The following NGEF variants were observed in gnomAD, a reference collection of about 807,000 sequenced individuals.
The protein encoded by NGEF is ephexin-1.
In NGEF, 31 loss-of-function variants were observed where a neutral mutation model predicts 80.9. The ratio of observed to expected loss-of-function variants is 0.38; its 90% confidence interval spans 0.29 to 0.52. NGEF has a LOEUF of 0.52. NGEF is among the 20% of genes least tolerant of loss of function. NGEF has a pLI of 0.84. For missense variants in NGEF, 709 were observed against 926.2 expected (o/e 0.77, Z 3.04); for synonymous variants, 371 against 370.2 (o/e 1.00, Z -0.03).
At chr2:232,937,596 T>G (rs1305349246) in intron 3 of NGEF, among the ~76,000 whole-genome samples, 2 of 152,174 alleles carry the variant, frequency 1.3e-5, no homozygotes, top group East Asian at 3.9e-4. Context: ...TGGGGGCAAC[T>G]ATGAAGAGGC....
At chr2:233,004,533 C>G (rs1695048349) in intron 1 of NGEF, among the ~76,000 whole-genome samples, 1 of 152,224 alleles carries the variant, frequency 6.6e-6, no homozygotes, top group Admixed American at 6.5e-5. Context: ...GTGTGGAGTG[C>G]TTGTCAAGGC....
chr2:232,897,444 G>C (rs1026915283), intron 5 of NGEF, among the ~76,000 whole-genome samples: 12 of 152,114 alleles, frequency 7.9e-5, no homozygotes, highest in Non-Finnish European at 1.6e-4. Context: ...CACATGGCTG[G>C]ATGCTGGAGG....
At chr2:232,953,624 A>C (rs1327501489) in intron 3 of NGEF, among the ~76,000 whole-genome samples, 2 of 152,010 alleles carry the variant, frequency 1.3e-5, no homozygotes, top group East Asian at 3.9e-4. Flanking sequence ...GCCTAGGGGG[A>C]GATCTGCCCA....
intron 1 of NGEF, among the ~76,000 whole-genome samples, chr2:233,000,494 GTAAT>G (rs1327736031): frequency 6.7e-6 from 1 of 149,898 alleles, no homozygotes; most frequent in Non-Finnish European, 1.5e-5. Context: ...GCTCACGCCT[GTAAT>G]GCCAATCCCA....
rs537463919 is a variant in NGEF at position 232,957,384 on chromosome 2, G to A, written c.383+12830C>T. 6.6e-5 allele frequency among the ~76,000 whole-genome samples: 10 copies of A among 152,138 alleles called. No individual in the cohort carries two copies. In the South Asian group the frequency reaches 1.0e-3, roughly 16 times the overall value. On this transcript the variant is annotated intron_variant, in intron 3 of 14. Coordinates refer to ENST00000264051, the MANE Select transcript of NGEF (RefSeq NM_019850.3). The stretch of plus-strand genomic sequence containing the variant: ...GTCTCCCAGGCTGGGGTGCAGTGGC[G>A]CAATCTGGACTCACTGCAACCTCTG...
At chr2:232,886,717 CT>C (rs951578307) in intron 9 of NGEF, among the ~76,000 whole-genome samples, 2 of 152,262 alleles carry the variant, frequency 1.3e-5, no homozygotes, top group African/African-American at 4.8e-5. Flanking sequence ...AAACATACCC[CT>C]GGCCCAGGGC....
chr2:232,974,849 C>T lies in NGEF; in HGVS notation c.42G>A (p.Arg14=), dbSNP rs746298365. 3.1e-6 allele frequency: 5 copies of T among 1,613,854 alleles called. No individual in the cohort carries two copies. The highest frequency in any genetic ancestry group is 4.2e-6 in the Non-Finnish European group (5 of 1,180,004). Residue 14 remains arginine (R), a synonymous_variant, in exon 2 of 15, where the codon AGG becomes AGA. Transcript: ENST00000264051. ...TGTTCCATTGATCACTTGCTGATTT[C>T]CTCCGGGTCTTTTCCAAATCTTCAG... ...RESEDLEKTR[R]KSASDQWNTD...
intron 3 of NGEF, among the ~76,000 whole-genome samples, chr2:232,961,233 C>T (rs1211047112): frequency 2.6e-5 from 4 of 152,162 alleles, no homozygotes; most frequent in African/African-American, 9.7e-5. Flanking sequence ...CCTCTAGCCC[C>T]CACCGTTCTT....
chr2:232,994,213 T>C (rs371577918), intron 1 of NGEF, among the ~76,000 whole-genome samples: 138 of 151,934 alleles, frequency 9.1e-4, no homozygotes, highest in African/African-American at 3.1e-3. Context: ...CTACTAAAAA[T>C]ACAAAAAGTA....
intron 1 of NGEF, among the ~76,000 whole-genome samples, chr2:232,996,389 ATG>A (rs1357934044): frequency 6.6e-6 from 1 of 152,180 alleles, no homozygotes; most frequent in Non-Finnish European, 1.5e-5. Flanking sequence ...TTGCTGGGAA[ATG>A]TGTTAGTGCT....
At chr2:232,885,104 G>A (rs979350950) in intron 10 of NGEF, 176 bp downstream of exon 10, 15 of 606,852 alleles carry the variant, frequency 2.5e-5, no homozygotes, top group Non-Finnish European at 3.5e-5. Context: ...GGTGTCTGAC[G>A]CCTGGTGGCA....
At chr2:232,985,075 A>G (rs1694505684) in intron 1 of NGEF, among the ~76,000 whole-genome samples, 2 of 152,198 alleles carry the variant, frequency 1.3e-5, no homozygotes, top group Non-Finnish European at 2.9e-5. Context: ...TTCTGGGGTC[A>G]CAGAGCTTCA....
intron 3 of NGEF, among the ~76,000 whole-genome samples, chr2:232,949,926 C>T (rs1253336963): frequency 6.6e-6 from 1 of 151,974 alleles, no homozygotes; most frequent in Non-Finnish European, 1.5e-5. Context: ...ATTCTCCTGT[C>T]TCTGCCTCCC....
At chr2:233,001,964 A>G (rs1204670344) in intron 1 of NGEF, among the ~76,000 whole-genome samples, 1 of 152,258 alleles carries the variant, frequency 6.6e-6, no homozygotes, top group East Asian at 1.9e-4. Context: ...GCCCTGAACC[A>G]TTGCACTCCA....
chr2:233,006,296 G>T (rs1458603610), intron 1 of NGEF, among the ~76,000 whole-genome samples: 2 of 152,156 alleles, frequency 1.3e-5, no homozygotes, highest in Non-Finnish European at 2.9e-5. Context: ...TCAGGGTTTT[G>T]CTGGGAAAAA....
chr2:233,007,061 T>C (rs1264834397), intron 1 of NGEF, among the ~76,000 whole-genome samples: 2 of 152,160 alleles, frequency 1.3e-5, no homozygotes, highest in African/African-American at 4.8e-5. Flanking sequence ...CTGGTCAACA[T>C]GGAGAAACCC....
intron 5 of NGEF, among the ~76,000 whole-genome samples, chr2:232,906,351 G>T (rs61361000): frequency 0.71 from 52,557 of 74,042 alleles, 20,338 homozygotes; most frequent in Admixed American, 0.75. Flanking sequence ...AGGTGGGGGG[G>T]GTCAGCCCCC....
chr2:232,921,189 C>T (rs528194547), intron 4 of NGEF, among the ~76,000 whole-genome samples: 2 of 152,320 alleles, frequency 1.3e-5, no homozygotes, highest in East Asian at 1.9e-4. Flanking sequence ...GCTGAATCAG[C>T]GCAAATGTAG....
At chr2:232,893,351 A>G (rs1691943143) in intron 6 of NGEF, among the ~76,000 whole-genome samples, 1 of 152,198 alleles carries the variant, frequency 6.6e-6, no homozygotes, top group Non-Finnish European at 1.5e-5. Context: ...CTGCTTCAGA[A>G]GGGTCCCCTG....
Sources: gnomAD v4.1 joint callset for allele counts (sites outside exome capture counted in the v4.1 genomes callset) on GRCh38, gnomAD v4.1.1 for gene constraint, MANE v1.5 for transcripts, NCBI Gene and HGNC (gene_info 2026-07-23, HGNC 2026-07-21) for gene names.